Variants in CD99L2 observed in about 807,000 individuals in gnomAD.
CD99L2 encodes CD99 antigen-like protein 2.
A neutral mutation model predicts 27.3 loss-of-function variants in CD99L2; 24 were observed. The ratio of observed to expected loss-of-function variants is 0.88; its 90% CI spans 0.64 to 1.24. The LOEUF (loss-of-function observed/expected upper bound fraction) is 1.24, where lower values mean the gene tolerates loss of function less well. CD99L2 is among the 50% of genes most tolerant of loss of function. CD99L2 has a pLI of 0.00. For missense variants in CD99L2, 255 were observed against 221.6 expected (o/e 1.15, Z -0.96); for synonymous variants, 97 against 87.9 (o/e 1.10, Z -0.58).
chrX:150,866,898 ACT>A lies in CD99L2; in HGVS notation c.67+31622_67+31623del, dbSNP rs538107292. ...AACTGGGTGTGTAGCACATGAGAAG[ACT>A]CTGCTATTTTCACAATTTTTCTATA... is the stretch of plus-strand genomic sequence containing the variant. On this transcript the variant is annotated intron_variant, in intron 1 of 10. Transcript: ENST00000370377. 1.1e-4 allele frequency among the ~76,000 whole-genome samples: 12 copies of A among 110,354 alleles called. No individual in the cohort carries two copies. In the South Asian group the frequency reaches 2.3e-3, roughly 21 times the overall value.
At chrX:150,838,255 G>T (rs2046563191) in intron 1 of CD99L2, among the ~76,000 whole-genome samples, 1 of 112,158 alleles carries the variant, frequency 8.9e-6, no homozygotes, top group African/African-American at 3.2e-5. Flanking sequence ...AGCTTAAGAA[G>T]ACGTAAGGAC....
chrX:150,787,304 C>T (rs1018331917), intron 7 of CD99L2, among the ~76,000 whole-genome samples: 2 of 111,661 alleles, frequency 1.8e-5, no homozygotes, highest in Non-Finnish European at 3.8e-5. Flanking sequence ...GACAAAGGTC[C>T]TATGTCCAGA....
chrX:150,792,645 A>T (rs1557419741), intron 7 of CD99L2, among the ~76,000 whole-genome samples: 1 of 112,232 alleles, frequency 8.9e-6, no homozygotes, highest in Non-Finnish European at 1.9e-5. Context: ...TTACAACCAG[A>T]TACACCCATA....
intron 9 of CD99L2, among the ~76,000 whole-genome samples, chrX:150,775,735 G>C (rs1265247134): frequency 1.8e-5 from 2 of 112,440 alleles, no homozygotes; most frequent in Non-Finnish European, 3.8e-5. Context: ...AAACCCCCAG[G>C]AACTGCTGCC....
chrX:150,794,257 A>G (rs183171705), intron 6 of CD99L2, among the ~76,000 whole-genome samples: 3 of 111,339 alleles, frequency 2.7e-5, no homozygotes, highest in Admixed American at 1.9e-4. Flanking sequence ...AGCAGTCATT[A>G]TTCCTATAGC....
At chrX:150,850,543 A>G (rs1280936249) in intron 1 of CD99L2, among the ~76,000 whole-genome samples, 1 of 112,882 alleles carries the variant, frequency 8.9e-6, no homozygotes. Context: ...TGATTCTCAC[A>G]GAGATAAATG....
intron 1 of CD99L2, among the ~76,000 whole-genome samples, chrX:150,864,376 A>T (rs2047028060): frequency 8.9e-6 from 1 of 112,874 alleles, no homozygotes; most frequent in Non-Finnish European, 1.9e-5. Context: ...GCTTAGCACG[A>T]GATACTTTTC....
chrX:150,793,336 C>G (rs1445517617), intron 7 of CD99L2, among the ~76,000 whole-genome samples: 1 of 112,652 alleles, frequency 8.9e-6, no homozygotes, highest in Non-Finnish European at 1.9e-5. Context: ...CTCCTCCCAT[C>G]CCAAGAGTGA....
intron 1 of CD99L2, among the ~76,000 whole-genome samples, chrX:150,872,158 G>A (rs1309185469): frequency 9.0e-6 from 1 of 110,797 alleles, no homozygotes; most frequent in African/African-American, 3.3e-5. Context: ...TGGAGCCCGG[G>A]AGGTCAAGGC....
intron 1 of CD99L2, among the ~76,000 whole-genome samples, chrX:150,871,857 AAG>A (rs1360065902): frequency 8.9e-6 from 1 of 112,249 alleles, no homozygotes; most frequent in Non-Finnish European, 1.9e-5. Context: ...TGCTGCATGA[AAG>A]AGCTAGAAAC....
intron 2 of CD99L2, among the ~76,000 whole-genome samples, chrX:150,826,797 C>T (rs926154310): frequency 5.4e-5 from 6 of 111,780 alleles, no homozygotes; most frequent in South Asian, 3.8e-4. Flanking sequence ...GGCTGCCTTC[C>T]GGGCCACAGA....
At chrX:150,837,975 CA>C (rs1396210395) in intron 1 of CD99L2, among the ~76,000 whole-genome samples, 5 of 112,346 alleles carry the variant, frequency 4.5e-5, no homozygotes, top group Admixed American at 2.8e-4. Flanking sequence ...AGAAACCTGA[CA>C]AACACTACCT....
chrX:150,775,568 C>CG (rs1293842266), intron 9 of CD99L2, among the ~76,000 whole-genome samples: 2 of 112,092 alleles, frequency 1.8e-5, no homozygotes, highest in Admixed American at 9.4e-5. Flanking sequence ...GGTGGTGGGT[C>CG]GGGGGGGAAC....
intron 1 of CD99L2, among the ~76,000 whole-genome samples, chrX:150,883,656 AAAG>A (rs1410878359): frequency 9.0e-6 from 1 of 111,682 alleles, no homozygotes; most frequent in Non-Finnish European, 1.9e-5. Flanking sequence ...CCTAGACTTC[AAAG>A]ATTCCCCAGA....
In CD99L2 at chrX:150,814,861, C is replaced by A; in HGVS notation, c.277+1G>T. The A allele has an allele frequency of 8.3e-7, 1 of 1,204,395 alleles. No individual in the cohort carries two copies. Among genetic ancestry groups the A allele is most frequent in the Non-Finnish European group, 1.1e-6 (1 of 889,174 alleles). On this transcript the variant is annotated splice_donor_variant, in intron 4 of 10. Coordinates refer to ENST00000370377, the MANE Select transcript of CD99L2 (RefSeq NM_031462.4). LOFTEE classifies it high-confidence loss of function. ...AGTAGTTTCAACCAGCAAAGACTTACCTCTTCCTCCTATACCCGGTTTCCT... is the reference window on the plus strand; with the variant it reads ...AGTAGTTTCAACCAGCAAAGACTTAACTCTTCCTCCTATACCCGGTTTCCT...
intron 4 of CD99L2, among the ~76,000 whole-genome samples, chrX:150,813,435 G>GT (rs782415434): frequency 2.6e-4 from 29 of 111,585 alleles, no homozygotes; most frequent in African/African-American, 8.5e-4. Flanking sequence ...TAAAAAGTAG[G>GT]TAAACAGAAA....
chrX:150,890,740 C>T (rs2047500252), intron 1 of CD99L2, among the ~76,000 whole-genome samples: 1 of 111,750 alleles, frequency 8.9e-6, no homozygotes, highest in South Asian at 3.7e-4. Flanking sequence ...GGGGCAAGTG[C>T]GGCCTGCACA....
chrX:150,859,113 A>G (rs1038255454), intron 1 of CD99L2, among the ~76,000 whole-genome samples: 3 of 112,261 alleles, frequency 2.7e-5, no homozygotes, highest in Non-Finnish European at 3.8e-5. Context: ...GAGGAAATGG[A>G]TAAATTTCTA....
chrX:150,854,335 A>G (rs1167352205), intron 1 of CD99L2, among the ~76,000 whole-genome samples: 2 of 111,749 alleles, frequency 1.8e-5, no homozygotes, highest in African/African-American at 6.5e-5. Context: ...TCATTTAATT[A>G]TTGCTACCCA....
Sources: allele counts gnomAD v4.1 joint callset (sites outside exome capture counted in the v4.1 genomes callset), GRCh38; gene constraint gnomAD v4.1.1; transcripts MANE v1.5; gene names NCBI Gene and HGNC (gene_info 2026-07-23, HGNC 2026-07-21).